Variants in MYO5B observed in about 807,000 individuals in gnomAD.
The protein encoded by MYO5B is myosin VB, also known as unconventional myosin-Vb.
Under a neutral mutation model 229.3 loss-of-function variants are expected in MYO5B, and 143 were observed. The ratio of observed to expected loss-of-function variants is 0.62; its 90% CI spans 0.54 to 0.72. The LOEUF (loss-of-function observed/expected upper bound fraction) is 0.72, where lower values mean the gene tolerates loss of function less well. MYO5B is among the 30% of genes least tolerant of loss of function. The pLI is 0.00. For missense variants in MYO5B, 2,321 were observed against 2,331.0 expected (o/e 1.00, Z 0.09); for synonymous variants, 918 against 885.2 (o/e 1.04, Z -0.66).
intron 1 of MYO5B, among the ~76,000 whole-genome samples, chr18:50,184,920 T>C (rs958075771): frequency 1.3e-5 from 2 of 150,354 alleles, no homozygotes; most frequent in South Asian, 2.1e-4. Context: ...ATATATATTA[T>C]TTTTAAGTTA....
At chr18:49,910,985 G>A (rs977666568) in intron 18 of MYO5B, among the ~76,000 whole-genome samples, 3 of 152,152 alleles carry the variant, frequency 2.0e-5, no homozygotes, top group East Asian at 3.8e-4. Context: ...CAATAGCTCC[G>A]CTTCTATAGT....
intron 35 of MYO5B, 115 bp from the exon 36 acceptor site, chr18:49,839,409 CCT>C: frequency 2.6e-6 from 3 of 1,148,274 alleles, no homozygotes; most frequent in Non-Finnish European, 2.6e-6. Flanking sequence ...CTACTCAGGC[CCT>C]CCCTATGTAG....
intron 1 of MYO5B, among the ~76,000 whole-genome samples, chr18:50,074,227 C>T (rs377485496): frequency 3.5e-4 from 54 of 152,286 alleles, no homozygotes; most frequent in African/African-American, 1.1e-3. Flanking sequence ...GAGACTTATT[C>T]GCTATCATGA....
intron 16 of MYO5B, among the ~76,000 whole-genome samples, chr18:49,932,688 A>G (rs1009606804): frequency 3.9e-5 from 6 of 152,180 alleles, no homozygotes; most frequent in African/African-American, 1.2e-4. Context: ...CAAACAAACA[A>G]AAAAACAAGA....
chr18:50,052,908 T>C (rs908342948), intron 2 of MYO5B, among the ~76,000 whole-genome samples: 9 of 152,156 alleles, frequency 5.9e-5, no homozygotes, highest in Non-Finnish European at 1.0e-4. Flanking sequence ...ATTGTCTTCC[T>C]GGAAGATAAT....
intron 4 of MYO5B, among the ~76,000 whole-genome samples, chr18:50,005,920 T>G (rs2026096254): frequency 6.6e-6 from 1 of 152,182 alleles, no homozygotes; most frequent in African/African-American, 2.4e-5. Flanking sequence ...TAGAAGGCAA[T>G]TATTTCACCA....
intron 4 of MYO5B, among the ~76,000 whole-genome samples, chr18:50,020,083 C>G (rs985921723): frequency 6.6e-6 from 1 of 152,178 alleles, no homozygotes; most frequent in East Asian, 1.9e-4. Context: ...CACACCCTAC[C>G]CTCAGTCACC....
At chr18:49,902,299 T>C (rs2024850542) in intron 21 of MYO5B, among the ~76,000 whole-genome samples, 1 of 152,224 alleles carries the variant, frequency 6.6e-6, no homozygotes, top group Non-Finnish European at 1.5e-5. Context: ...ACCCCTGTTA[T>C]ATCAAGCTCA....
Position 49,826,361 on chromosome 18 carries a change from C to T in MYO5B, c.*110G>A, listed in dbSNP as rs1465325983. 7.3e-7 allele frequency: 1 copy of T among 1,360,564 alleles called. No homozygotes were observed. Among genetic ancestry groups the T allele is most frequent in the East Asian group, 2.5e-5 (1 of 40,150 alleles). 84.3% of individuals were successfully genotyped at this position (1,360,564 alleles called of 1,614,324 possible). On this transcript the variant is annotated 3_prime_UTR_variant, in exon 40 of 40. Transcript: ENST00000285039. ...AGCACCCTCCACAGGCTGTCAATCTCTGATTTGATCTACTTTTACCAGATT... is the reference window on the plus strand; with the variant it reads ...AGCACCCTCCACAGGCTGTCAATCTTTGATTTGATCTACTTTTACCAGATT...
rs114261149 is a variant in MYO5B at position 50,095,136 on chromosome 18, C to T, written c.28-39758G>A. ...TGAGCCACCACAACTGGCCGAAATC[C>T]ATCAACATTCCCTGCACAACCTTTC... is the stretch of plus-strand genomic sequence containing the variant. On this transcript the variant is annotated intron_variant, in intron 1 of 39. Transcript: ENST00000285039. Among the ~76,000 whole-genome samples the T allele has an allele frequency of 5.7e-3, 869 of 152,280 alleles. 5 individuals are homozygous for T. The highest frequency in any genetic ancestry group is 0.02 in the African/African-American group (825 of 41,554).
chr18:50,078,721 T>C (rs1480238573), intron 1 of MYO5B, among the ~76,000 whole-genome samples: 1 of 152,124 alleles, frequency 6.6e-6, no homozygotes, highest in Non-Finnish European at 1.5e-5. Flanking sequence ...ACCCATGACA[T>C]AGCAATTCTC....
At chr18:49,918,513 G>T (rs947520076) in intron 17 of MYO5B, among the ~76,000 whole-genome samples, 1 of 152,218 alleles carries the variant, frequency 6.6e-6, no homozygotes, top group African/African-American at 2.4e-5. Context: ...CATCCTTTCA[G>T]GTACTCCATT....
At chr18:49,901,818 G>A (rs1456593501) in intron 21 of MYO5B, among the ~76,000 whole-genome samples, 1 of 152,222 alleles carries the variant, frequency 6.6e-6, no homozygotes, top group Non-Finnish European at 1.5e-5. Flanking sequence ...ACTGCCACCT[G>A]TGTGACTTTA....
At chr18:49,863,584 G>A (rs1350882904) in intron 28 of MYO5B, among the ~76,000 whole-genome samples, 3 of 152,254 alleles carry the variant, frequency 2.0e-5, no homozygotes, top group East Asian at 3.9e-4. Flanking sequence ...CCCCTGGGAG[G>A]AGAGAGCACC....
chr18:50,003,022 A>G (rs759416685), intron 4 of MYO5B, among the ~76,000 whole-genome samples: 2 of 152,244 alleles, frequency 1.3e-5, no homozygotes, highest in Middle Eastern at 6.8e-3. Context: ...ACAGCTGGAA[A>G]CATGGTGAGA....
chr18:50,067,124 C>G (rs905728866), intron 1 of MYO5B, among the ~76,000 whole-genome samples: 1 of 152,014 alleles, frequency 6.6e-6, no homozygotes, highest in Non-Finnish European at 1.5e-5. Flanking sequence ...TGAAATGTAC[C>G]CTTTATCCAC....
intron 1 of MYO5B, among the ~76,000 whole-genome samples, chr18:50,175,049 A>T (rs11877056): frequency 1.3e-5 from 2 of 152,000 alleles, no homozygotes; most frequent in Non-Finnish European, 2.9e-5. Context: ...CTTCCAGGAC[A>T]CTATGGGGAA....
intron 10 of MYO5B, 110 bp downstream of exon 10, chr18:49,974,239 GC>G: frequency 6.7e-7 from 1 of 1,503,520 alleles, no homozygotes; most frequent in Non-Finnish European, 9.2e-7. Flanking sequence ...ATTTTAAACT[GC>G]CCTAAGTTGA....
intron 39 of MYO5B, among the ~76,000 whole-genome samples, chr18:49,832,633 G>T (rs1037044868): frequency 6.6e-6 from 1 of 152,188 alleles, no homozygotes; most frequent in Non-Finnish European, 1.5e-5. Context: ...AGTGGCAGGG[G>T]AACCTAGAAT....
Sources: allele counts gnomAD v4.1 joint callset (sites outside exome capture counted in the v4.1 genomes callset), GRCh38; gene constraint gnomAD v4.1.1; transcripts MANE v1.5; gene names NCBI Gene and HGNC (gene_info 2026-07-23, HGNC 2026-07-21).